The following FZR1 variants were observed in gnomAD, a reference collection of about 807,000 sequenced individuals.
The protein encoded by FZR1 is fizzy and cell division cycle 20 related 1, also known as fizzy-related protein homolog.
Under a neutral mutation model 63.6 loss-of-function variants are expected in FZR1, and 11 were observed. That is an observed-to-expected ratio of 0.17 (90% CI 0.11 to 0.29). The LOEUF (loss-of-function observed/expected upper bound fraction) is 0.29. Ranked by LOEUF, FZR1 falls within the 10% of genes least tolerant of loss-of-function variation. The pLI is 1.00. For synonymous variants in FZR1, 328 were observed against 297.9 expected (o/e 1.10, Z -1.04); for missense variants, 440 against 687.5 (o/e 0.64, Z 4.03).
At chr19:3,506,808 C>T (rs571991297) in intron 1 of FZR1, among the ~76,000 whole-genome samples, 1 of 152,262 alleles carries the variant, frequency 6.6e-6, no homozygotes, top group African/African-American at 2.4e-5. Flanking sequence ...GAGCCCTGCA[C>T]CCCCAACCAG....
intron 1 of FZR1, among the ~76,000 whole-genome samples, chr19:3,513,580 C>T (rs182371798): frequency 6.6e-6 from 1 of 152,338 alleles, no homozygotes; most frequent in Admixed American, 6.5e-5. Flanking sequence ...CAGTCAAGCA[C>T]ACTGAGTGCT....
In FZR1 at chr19:3,526,537, G is replaced by C; in HGVS notation, c.387+151G>C. On this transcript the variant is annotated intron_variant, in intron 5 of 13. Transcript: ENST00000441788. The surrounding 1 kb of genome is among the most constrained non-coding windows in gnomAD (Gnocchi z 5.4). ...CCGCCCTGACCCTGTTCCTTAGCCA[G>C]GTCAGGGGCCCTGGGATCTGAGGCT... is the stretch of plus-strand genomic sequence containing the variant. The C allele has an allele frequency of 3.2e-6, 2 of 629,534 alleles. No individual in the cohort carries two copies. The highest frequency in any genetic ancestry group is 2.8e-6 in the Non-Finnish European group (1 of 362,230). 39.0% of individuals were successfully genotyped at this position (629,534 alleles called of 1,614,324 possible). A position where few individuals can be genotyped will look rare whatever the true frequency, so the allele number is the denominator to read the frequency against.
intron 7 of FZR1, among the ~76,000 whole-genome samples, chr19:3,529,456 G>GGATGGGAGAGCA (rs1214288081): frequency 2.0e-4 from 27 of 136,556 alleles, no homozygotes; most frequent in Non-Finnish European, 2.7e-4. Flanking sequence ...CTGGTTGAGT[G>GGATGGGAGAGCA]GATGGGAGAG....
intron 1 of FZR1, among the ~76,000 whole-genome samples, chr19:3,513,554 C>T (rs543204884): frequency 1.3e-5 from 2 of 152,358 alleles, no homozygotes; most frequent in African/African-American, 2.4e-5. Flanking sequence ...TGCCCACCTG[C>T]TGTCCCAAGG....
intron 1 of FZR1, among the ~76,000 whole-genome samples, chr19:3,519,685 C>T (rs372763543): frequency 2.6e-5 from 4 of 152,206 alleles, no homozygotes; most frequent in African/African-American, 4.8e-5. Flanking sequence ...TGTGGCTGCA[C>T]GCACCACCTC....
rs1332013239 is a variant in FZR1 at position 3,533,096 on chromosome 19, G to A, written c.1243-198G>A. Among the ~76,000 whole-genome samples the A allele has an allele frequency of 1.3e-5, 2 of 152,148 alleles. No homozygotes were observed. The highest frequency in any genetic ancestry group is 2.4e-5 in the African/African-American group (1 of 41,428). ...TGGGCTCCAGCCTTTGGCGGTGGGT[G>A]GAGGGGTCCACCTGTGGCCTCCACA... On this transcript the variant is annotated intron_variant, in intron 11 of 13. Coordinates refer to ENST00000441788, the MANE Select transcript of FZR1 (RefSeq NM_016263.4). This position sits in a 1 kb window ranked among gnomAD's most constrained non-coding sequence, Gnocchi z 4.9.
chr19:3,527,039 C>T lies in FZR1; in HGVS notation c.447C>T (p.Ser149=), dbSNP rs2121975106. 1 of 1,611,968 alleles carries T rather than the reference C, an allele frequency of 6.2e-7. No homozygotes were observed. The highest frequency in any genetic ancestry group is 8.5e-7 in the Non-Finnish European group (1 of 1,178,896). ...ACGGCAACGATGTGTCTCCCTACTC[C>T]CTGTCTCCCGTCAGCAACAAGAGGT... is the stretch of plus-strand genomic sequence containing the variant. ...PDDGNDVSPY[S]LSPVSNKSQK... Residue 149 remains serine, a synonymous_variant, in exon 6 of 14, where the codon TCC becomes TCT. Coordinates refer to ENST00000441788, the MANE Select transcript of FZR1 (RefSeq NM_016263.4).
At position 3,526,352 on chromosome 19, in the gene FZR1, A is replaced by C; in HGVS notation, c.353A>C (p.Gln118Pro). The change falls in exon 5 of 14, where the codon CAG becomes CCG. Residue 118 changes from glutamine (Q) to proline (P), a missense_variant. Gln to Pro is a moderately conservative substitution (Grantham distance 76). Transcript: ENST00000441788. The surrounding 1 kb of genome is among the most constrained non-coding windows in gnomAD (Gnocchi z 5.4). The stretch of plus-strand genomic sequence containing the variant: ...CCGCAGACTGAGGACCGCAGGCTGC[A>C]GCCCTCCACGCCTGAGAAGAAGGGT... ...QDPQTEDRRL[Q>P]PSTPEKKGLF... 6.3e-7 allele frequency: 1 copy of C among 1,598,912 alleles called. No homozygotes were observed. The highest frequency in any genetic ancestry group is 8.5e-7 in the Non-Finnish European group (1 of 1,173,806).
chr19:3,509,020 A>AG (rs2083006011), intron 1 of FZR1, among the ~76,000 whole-genome samples: 1 of 152,188 alleles, frequency 6.6e-6, no homozygotes, highest in Non-Finnish European at 1.5e-5. Context: ...CCAGCAGGAA[A>AG]GGGAGTGTTT....
At chr19:3,524,164 A>T (rs2083129915) in intron 2 of FZR1, among the ~76,000 whole-genome samples, 1 of 152,200 alleles carries the variant, frequency 6.6e-6, no homozygotes, top group Non-Finnish European at 1.5e-5. Flanking sequence ...GCCCAGCAGC[A>T]GGAGCAGCCC....
chr19:3,522,969 C>T lies in FZR1; in HGVS notation c.-21C>T, dbSNP rs542592057. On this transcript the variant is annotated 5_prime_UTR_variant, in exon 2 of 14. Coordinates refer to ENST00000441788, the MANE Select transcript of FZR1 (RefSeq NM_016263.4). ...TTCCCGCTGCAGGCTAACCTTGCCG[C>T]GGGCCGAGCCCTGCCTCGCCATGGA... 8.8e-6 allele frequency: 14 copies of T among 1,594,004 alleles called. No individual in the cohort carries two copies. The highest frequency in any genetic ancestry group is 8.3e-5 in the Admixed American group (5 of 59,990).
rs778141772 is a variant in FZR1, at chr19:3,525,939, C to T, written c.141C>T (p.Arg47=). ...CCTCGCCCAGCAAGCACGGAGACCG[C>T]TTCATCCCCTCCAGAGCCGGAGCCA... is the stretch of plus-strand genomic sequence containing the variant. ...PVSSPSKHGD[R]FIPSRAGANW... The change falls in exon 3 of 14, where the codon CGC becomes CGT. Residue 47 remains arginine, a synonymous_variant. Coordinates refer to ENST00000441788, the MANE Select transcript of FZR1 (RefSeq NM_016263.4). This position sits in a 1 kb window ranked among gnomAD's most constrained non-coding sequence, Gnocchi z 4.2. 5.6e-6 allele frequency: 9 copies of T among 1,612,446 alleles called. No homozygotes were observed. The highest frequency in any genetic ancestry group is 5.0e-5 in the Admixed American group (3 of 59,986).
At chr19:3,530,681 T>G (rs1169633596) in intron 7 of FZR1, 111 bp from the exon 8 acceptor site, 4 of 748,040 alleles carry the variant, frequency 5.3e-6, no homozygotes, top group Non-Finnish European at 9.1e-6. Context: ...TGAGATTGGA[T>G]GGGAGAGTGG....
intron 13 of FZR1, 71 bp from the exon 14 acceptor site, chr19:3,534,724 T>TGG (rs1265230141): frequency 7.0e-7 from 1 of 1,418,454 alleles, no homozygotes; most frequent in Non-Finnish European, 1.0e-6. Context: ...CCCAAAGCCT[T>TGG]GGGGACCCTC....
At chr19:3,522,118 A>G (rs2083107918) in intron 1 of FZR1, among the ~76,000 whole-genome samples, 1 of 152,208 alleles carries the variant, frequency 6.6e-6, no homozygotes, top group African/African-American at 2.4e-5. Flanking sequence ...CGCTGTATTT[A>G]CAGACCGGCA....
At chr19:3,522,194 C>T (rs2083108722) in intron 1 of FZR1, among the ~76,000 whole-genome samples, 1 of 152,168 alleles carries the variant, frequency 6.6e-6, no homozygotes, top group Non-Finnish European at 1.5e-5. Context: ...CCTAGGCTAC[C>T]TTCTGTCTCC....
rs114627815 is a variant in FZR1 at position 3,511,763 on chromosome 19, G to A, written c.-35+5289G>A. 3.9e-3 allele frequency among the ~76,000 whole-genome samples: 596 copies of A among 152,234 alleles called. 1 individual carries two copies. Among genetic ancestry groups the A allele is most frequent in the African/African-American group, 0.013 (558 of 41,548 alleles). ...AGGCACCGGCCTCCAACAGTAACTCGCCTCGCCATGGCTCACACGGGCACC... is the reference window on the plus strand; with the variant it reads ...AGGCACCGGCCTCCAACAGTAACTCACCTCGCCATGGCTCACACGGGCACC... On this transcript the variant is annotated intron_variant, in intron 1 of 13. Transcript: ENST00000441788.
chr19:3,538,182 C>A lies in FZR1; in HGVS notation c.*3346C>A. On this transcript the variant is annotated 3_prime_UTR_variant, in exon 14 of 14. Transcript: ENST00000441788. ...CTGACAAGGGCAGGGGAAGCGGAGA[C>A]CAGGGTGCAGGCTCCGCCCCCACCC... 6.3e-6 allele frequency: 1 copy of A among 158,082 alleles called. No individual in the cohort carries two copies. Among genetic ancestry groups the A allele is most frequent in the Non-Finnish European group, 1.4e-5 (1 of 71,794 alleles). 9.8% of individuals were successfully genotyped at this position (158,082 alleles called of 1,614,324 possible).
rs2083281000 is a variant in FZR1 at position 3,534,823 on chromosome 19, C to G, written c.1469C>G (p.Thr490Ser). ...KESVSVLNLF[T>S]RIR The stretch of plus-strand genomic sequence containing the variant: ...TCTGTGTCTGTGCTCAACCTCTTCA[C>G]CAGGATCCGGTAAACCTGCCGGGCA... The change falls in exon 14 of 14, where the codon ACC becomes AGC. Residue 490 changes from threonine (T) to serine (S), a missense_variant. Thr to Ser is a moderately conservative substitution (Grantham distance 58). Around this residue, in one of 5 missense-constraint regions of FZR1, gnomAD observed 28 missense variants for 26.3 expected, o/e 1.06. Coordinates refer to ENST00000441788, the MANE Select transcript of FZR1 (RefSeq NM_016263.4). The G allele has an allele frequency of 6.2e-7, 1 of 1,612,802 alleles. No homozygotes were observed.
Sources: allele counts gnomAD v4.1 joint callset (sites outside exome capture counted in the v4.1 genomes callset), GRCh38; gene constraint gnomAD v4.1.1; regional missense constraint gnomAD v4.1.1; non-coding constraint Gnocchi (gnomAD v3.1); transcripts MANE v1.5; gene names NCBI Gene and HGNC (gene_info 2026-07-23, HGNC 2026-07-21).